Variants in ZNF385D observed in about 807,000 individuals in gnomAD.
ZNF385D encodes zinc finger protein 385D.
A neutral mutation model predicts 35.8 loss-of-function variants in ZNF385D; 15 were observed. The observed-to-expected ratio is 0.42, with a 90% confidence interval of 0.28 to 0.64. ZNF385D has a LOEUF of 0.64. Among genes scored for constraint, ZNF385D ranks in the 30% least tolerant of loss-of-function variants. ZNF385D has a pLI of 0.23. For synonymous variants in ZNF385D, 212 were observed against 186.8 expected (o/e 1.13, Z -1.10); for missense variants, 474 against 494.6 (o/e 0.96, Z 0.39).
At chr3:22,253,100 T>G (rs2125331611) in intron 2 of ZNF385D, among the ~76,000 whole-genome samples, 1 of 152,166 alleles carries the variant, frequency 6.6e-6, no homozygotes, top group South Asian at 2.1e-4. Context: ...TGGACAAATC[T>G]TGGTCTCCCA....
intron 2 of ZNF385D, among the ~76,000 whole-genome samples, chr3:21,577,650 T>A (rs903740194): frequency 6.6e-6 from 1 of 152,108 alleles, no homozygotes; most frequent in Admixed American, 6.6e-5. Flanking sequence ...AGAGTTCCTC[T>A]TTCTCCGCAA....
intron 1 of ZNF385D, among the ~76,000 whole-genome samples, chr3:21,685,759 T>C (rs1559517993): frequency 6.6e-6 from 1 of 152,356 alleles, no homozygotes; most frequent in East Asian, 1.9e-4. Flanking sequence ...AATCTTTGTA[T>C]GGAGCAATAC....
intron 1 of ZNF385D, among the ~76,000 whole-genome samples, chr3:21,674,230 C>G (rs145652620): frequency 2.0e-5 from 3 of 151,928 alleles, no homozygotes; most frequent in African/African-American, 7.3e-5. Flanking sequence ...GTGACCTTTA[C>G]GAGCCATTTA....
chr3:21,751,288 T>C (rs972321375), upstream of ZNF385D: 3 of 1,076,336 alleles, frequency 2.8e-6, no homozygotes, highest in Non-Finnish European at 3.4e-6. Flanking sequence ...GTGCTCCGAC[T>C]GCCTGCCTGG....
At chr3:22,305,380 G>C (rs942934000) in intron 2 of ZNF385D, among the ~76,000 whole-genome samples, 1 of 152,036 alleles carries the variant, frequency 6.6e-6, no homozygotes, top group Non-Finnish European at 1.5e-5. Context: ...AATAGTTCTT[G>C]GGATTACTAA....
intron 2 of ZNF385D, among the ~76,000 whole-genome samples, chr3:22,199,045 T>G (rs60680940): frequency 3.5e-4 from 54 of 152,120 alleles, no homozygotes; most frequent in Non-Finnish European, 6.6e-4. Context: ...CTATGCTTAT[T>G]GATTGGTCTC....
At chr3:21,809,124 C>T (rs1193991176) in intron 3 of ZNF385D, among the ~76,000 whole-genome samples, 1 of 151,982 alleles carries the variant, frequency 6.6e-6, no homozygotes, top group Non-Finnish European at 1.5e-5. Flanking sequence ...TTCTCAAAAA[C>T]ACACAAAGTA....
intron 1 of ZNF385D, among the ~76,000 whole-genome samples, chr3:21,669,978 A>G (rs2066513782): frequency 6.6e-6 from 1 of 152,068 alleles, no homozygotes; most frequent in Admixed American, 6.6e-5. Flanking sequence ...AGCATTCGTC[A>G]GTCACAGACA....
intron 1 of ZNF385D, among the ~76,000 whole-genome samples, chr3:21,686,572 G>A (rs2067111771): frequency 6.6e-6 from 1 of 151,956 alleles, no homozygotes; most frequent in African/African-American, 2.4e-5. Context: ...CCAAATAAAG[G>A]CAAATAATAA....
chr3:21,691,719 A>G (rs2878597), intron 1 of ZNF385D, among the ~76,000 whole-genome samples: 62,413 of 152,072 alleles, frequency 0.41, 14,286 homozygotes, highest in Middle Eastern at 0.53. Flanking sequence ...AAGTGATAAC[A>G]TGTTTACATA....
chr3:22,172,837 T>C (rs537329544), intron 2 of ZNF385D, among the ~76,000 whole-genome samples: 38 of 152,308 alleles, frequency 2.5e-4, no homozygotes, highest in Non-Finnish European at 4.4e-4. Context: ...ATAACTTAAA[T>C]AGACATCCTC....
chr3:21,645,272 G>A (rs967283402), intron 2 of ZNF385D, among the ~76,000 whole-genome samples: 11 of 152,160 alleles, frequency 7.2e-5, no homozygotes, highest in South Asian at 2.1e-4. Context: ...TAGAGTCACT[G>A]ATAAAATAAA....
chr3:22,025,081 C>T (rs1697455139), intron 3 of ZNF385D, among the ~76,000 whole-genome samples: 3 of 152,160 alleles, frequency 2.0e-5, no homozygotes, highest in South Asian at 4.1e-4. Context: ...GGAATGGGGA[C>T]ATGTGGGAGG....
intron 2 of ZNF385D, among the ~76,000 whole-genome samples, chr3:21,614,448 G>GA (rs1234737660): frequency 6.6e-6 from 1 of 152,158 alleles, no homozygotes; most frequent in African/African-American, 2.4e-5. Context: ...AGAGATTTTG[G>GA]AAGAATATAG....
chr3:22,064,752 G>C (rs1699845316), intron 3 of ZNF385D, among the ~76,000 whole-genome samples: 1 of 152,162 alleles, frequency 6.6e-6, no homozygotes, highest in Non-Finnish European at 1.5e-5. Context: ...GTCATTAGTA[G>C]TATAATGGTG....
chr3:22,152,058 G>T (rs1705274468), intron 3 of ZNF385D, among the ~76,000 whole-genome samples: 1 of 152,002 alleles, frequency 6.6e-6, no homozygotes, highest in Non-Finnish European at 1.5e-5. Context: ...CTTTGCGTCT[G>T]TGTGTTCTCA....
intron 3 of ZNF385D, among the ~76,000 whole-genome samples, chr3:21,916,369 G>C (rs1296534807): frequency 1.3e-5 from 2 of 151,856 alleles, no homozygotes; most frequent in African/African-American, 4.8e-5. Flanking sequence ...TTACTGATTT[G>C]ATTTTCTGTT....
chr3:21,861,303 C>T (rs1000947475), intron 3 of ZNF385D, among the ~76,000 whole-genome samples: 3 of 152,086 alleles, frequency 2.0e-5, no homozygotes, highest in African/African-American at 7.2e-5. Flanking sequence ...AGAATAATTA[C>T]AATTTTGCTG....
intron 2 of ZNF385D, among the ~76,000 whole-genome samples, chr3:22,200,989 T>C (rs918638607): frequency 1.3e-5 from 2 of 152,056 alleles, no homozygotes; most frequent in African/African-American, 4.8e-5. Flanking sequence ...TGCTGTACAA[T>C]TTGTACAGTT....
Sources: gnomAD v4.1 joint callset for allele counts (sites outside exome capture counted in the v4.1 genomes callset) on GRCh38, gnomAD v4.1.1 for gene constraint, MANE v1.5 for transcripts, NCBI Gene and HGNC (gene_info 2026-07-23, HGNC 2026-07-21) for gene names.